The following KCNK10 variants were observed in gnomAD, a reference collection of about 807,000 sequenced individuals.
KCNK10 encodes the protein potassium channel subfamily K member 10.
KCNK10 carries 25 observed loss-of-function variants against 47.7 expected under a neutral mutation model. The ratio of observed to expected loss-of-function variants is 0.52; its 90% CI spans 0.38 to 0.73. The LOEUF is 0.73. Among genes scored for constraint, KCNK10 ranks in the 30% least tolerant of loss-of-function variants. The pLI is 0.00. For missense variants in KCNK10, 563 were observed against 714.5 expected, an observed-to-expected ratio of 0.79 and a Z score of 2.42; for synonymous variants, 303 against 285.6, an observed-to-expected ratio of 1.06 and a Z score of -0.61.
At chr14:88,267,205 A>T (rs1887282669) in intron 1 of KCNK10, among the ~76,000 whole-genome samples, 1 of 152,124 alleles carries the variant, frequency 6.6e-6, no homozygotes, top group Non-Finnish European at 1.5e-5. Flanking sequence ...GCTGGAGTAT[A>T]TTTGTAGTTG....
chr14:88,271,640 GGC>G (rs1887408130), intron 1 of KCNK10, among the ~76,000 whole-genome samples: 1 of 152,114 alleles, frequency 6.6e-6, no homozygotes, highest in South Asian at 2.1e-4. Context: ...TCTATTGAAT[GGC>G]ATGAGTCACA....
rs867518118 is a variant in KCNK10 at position 88,204,560 on chromosome 14, C to T, written c.682-12150G>A. Among the ~76,000 whole-genome samples, 4 of 149,482 alleles carry T rather than the reference C, an allele frequency of 2.7e-5. No individual in the cohort carries two copies. In the South Asian group the frequency reaches 8.6e-4, roughly 32 times the overall value. The stretch of plus-strand genomic sequence containing the variant: ...CCACTTCTGAGGAAACTGTCAGGGA[C>T]CCCACCCCCCGCCATTTCCCCCAAC... On this transcript the variant is annotated intron_variant, in intron 4 of 6. Coordinates refer to ENST00000319231, the MANE Select transcript of KCNK10 (RefSeq NM_138317.3).
chr14:88,238,902 G>A (rs1886372382), intron 3 of KCNK10, among the ~76,000 whole-genome samples: 2 of 152,090 alleles, frequency 1.3e-5, no homozygotes, highest in African/African-American at 4.8e-5. Context: ...ATACCATTGT[G>A]CCTCAGGGAT....
intron 4 of KCNK10, among the ~76,000 whole-genome samples, chr14:88,203,104 C>A (rs917395335): frequency 6.6e-6 from 1 of 152,148 alleles, no homozygotes; most frequent in African/African-American, 2.4e-5. Context: ...GGAAGCCATT[C>A]CAGGGATGGT....
At chr14:88,192,433 A>G in intron 4 of KCNK10, 23 bp from the exon 5 acceptor site, 2 of 1,604,766 alleles carry the variant, frequency 1.2e-6, no homozygotes, top group Non-Finnish European at 1.7e-6. Flanking sequence ...AAGGAGAAAG[A>G]TAGGCAAGTC....
chr14:88,324,055 T>C (rs1252833583), upstream of KCNK10, among the ~76,000 whole-genome samples: 1 of 152,100 alleles, frequency 6.6e-6, no homozygotes, highest in Non-Finnish European at 1.5e-5. Flanking sequence ...GGGCCGCTGG[T>C]CGTTGGCTGG....
At chr14:88,226,397 G>A (rs1191681978) in intron 4 of KCNK10, among the ~76,000 whole-genome samples, 2 of 152,284 alleles carry the variant, frequency 1.3e-5, no homozygotes, top group East Asian at 1.9e-4. Flanking sequence ...AGTTCTTAGA[G>A]GGGGAAAAAA....
At chr14:88,307,042 G>T (rs1025193945) in intron 1 of KCNK10, among the ~76,000 whole-genome samples, 8 of 152,128 alleles carry the variant, frequency 5.3e-5, no homozygotes, top group African/African-American at 1.9e-4. Flanking sequence ...CTATAGAAAT[G>T]GTGTTCAGCA....
At chr14:88,280,032 C>G (rs889489837) in intron 1 of KCNK10, among the ~76,000 whole-genome samples, 1 of 152,110 alleles carries the variant, frequency 6.6e-6, no homozygotes, top group African/African-American at 2.4e-5. Context: ...CCAATTAAAC[C>G]TCTCCTTCCC....
chr14:88,281,893 A>G (rs1887660444), intron 1 of KCNK10, among the ~76,000 whole-genome samples: 1 of 151,196 alleles, frequency 6.6e-6, no homozygotes, highest in Non-Finnish European at 1.5e-5. Context: ...GAGTACCCCC[A>G]CTAATACATA....
intron 3 of KCNK10, among the ~76,000 whole-genome samples, chr14:88,232,172 A>G (rs1886176647): frequency 6.6e-6 from 1 of 152,224 alleles, no homozygotes; most frequent in South Asian, 2.1e-4. Flanking sequence ...TTAAGTTCCC[A>G]GGAATATGTG....
intron 1 of KCNK10, among the ~76,000 whole-genome samples, chr14:88,288,224 A>G (rs1341959744): frequency 6.6e-6 from 1 of 152,202 alleles, no homozygotes; most frequent in Non-Finnish European, 1.5e-5. Flanking sequence ...ATTGTTCACT[A>G]TTTAATTTTT....
chr14:88,244,644 G>C (rs976354356), intron 2 of KCNK10, among the ~76,000 whole-genome samples: 2 of 152,060 alleles, frequency 1.3e-5, no homozygotes, highest in Non-Finnish European at 2.9e-5. Flanking sequence ...CTCCAGCCTG[G>C]GCAACAGAGT....
chr14:88,281,751 T>TATATATATATATAC (rs1491147685), intron 1 of KCNK10, among the ~76,000 whole-genome samples: 2 of 138,122 alleles, frequency 1.4e-5, no homozygotes, highest in African/African-American at 5.2e-5. Context: ...TATATATATA[T>TATATATATATATAC]ACACATACAC....
In KCNK10 at chr14:88,186,298, T is replaced by C. The variant is rs992913296; in HGVS notation, c.1012-143A>G. ...CCCAGGGGGAGGTGCAAATGCTACC[T>C]TCTGCCCTAGTACTTCTGCCACCTG... On this transcript the variant is annotated intron_variant, in intron 6 of 6. Transcript: ENST00000319231. This position sits in a 1 kb window ranked among gnomAD's most constrained non-coding sequence, Gnocchi z 5.5. 2.9e-6 allele frequency: 3 copies of C among 1,017,088 alleles called. No homozygotes were observed. Among genetic ancestry groups the C allele is most frequent in the South Asian group, 1.8e-5 (1 of 56,130 alleles). 63.0% of individuals were successfully genotyped at this position (1,017,088 alleles called of 1,614,324 possible). A position where few individuals can be genotyped will look rare whatever the true frequency, so the allele number is the denominator to read the frequency against.
At chr14:88,194,280 C>A (rs1029636561) in intron 4 of KCNK10, among the ~76,000 whole-genome samples, 1 of 152,156 alleles carries the variant, frequency 6.6e-6, no homozygotes, top group African/African-American at 2.4e-5. Context: ...TTGGATATTA[C>A]AGGAGGATTT....
In KCNK10 at chr14:88,322,699, C is replaced by T. The variant is rs756935455; in HGVS notation, c.52+48G>A. The stretch of plus-strand genomic sequence containing the variant: ...TTCCACTCAAGGAAGCGCGCACACG[C>T]CGGAGACAGAGGCAGGGCGAGGGCA... On this transcript the variant is annotated intron_variant, in intron 1 of 6. Coordinates refer to ENST00000319231, the MANE Select transcript of KCNK10 (RefSeq NM_138317.3). The surrounding 1 kb of genome is among the most constrained non-coding windows in gnomAD (Gnocchi z 4.8). 3.1e-6 allele frequency: 5 copies of T among 1,612,972 alleles called. No individual in the cohort carries two copies. In the South Asian group the frequency reaches 5.5e-5, roughly 18 times the overall value.
intron 1 of KCNK10, among the ~76,000 whole-genome samples, chr14:88,308,437 C>G (rs1888245307): frequency 6.6e-6 from 1 of 152,228 alleles, no homozygotes; most frequent in Non-Finnish European, 1.5e-5. Context: ...CCAGAGAAGG[C>G]CAAGAGACTG....
intron 4 of KCNK10, among the ~76,000 whole-genome samples, chr14:88,204,645 A>T (rs1259512110): frequency 7.0e-6 from 1 of 142,030 alleles, no homozygotes; most frequent in Non-Finnish European, 1.5e-5. Context: ...CTGTAGTAGC[A>T]GTTAGTTTGC....
Sources: gnomAD v4.1 joint callset for allele counts (sites outside exome capture counted in the v4.1 genomes callset) on GRCh38, gnomAD v4.1.1 for gene constraint, Gnocchi (gnomAD v3.1) non-coding constraint, MANE v1.5 for transcripts, NCBI Gene and HGNC (gene_info 2026-07-23, HGNC 2026-07-21) for gene names.